Variants in CDH12 observed in about 807,000 individuals in gnomAD.
CDH12 encodes cadherin 12.
In CDH12, 41 loss-of-function variants were observed where a neutral mutation model predicts 74.1. That is an observed-to-expected ratio of 0.55 (90% confidence interval 0.43 to 0.72). CDH12 has a LOEUF of 0.72. CDH12 is among the 30% of genes least tolerant of loss of function. CDH12 has a pLI of 0.00. For missense variants in CDH12, 945 were observed against 977.2 expected, an observed-to-expected ratio of 0.97 and a Z score of 0.44; for synonymous variants, 399 against 355.0, an observed-to-expected ratio of 1.12 and a Z score of -1.39.
chr5:22,538,669 C>A (rs1165629375), intron 1 of CDH12, among the ~76,000 whole-genome samples: 1 of 152,112 alleles, frequency 6.6e-6, no homozygotes, highest in African/African-American at 2.4e-5. Flanking sequence ...TGGTGAAATA[C>A]CAGTATTTTT....
At chr5:22,751,509 TA>T (rs1411049806) in intron 1 of CDH12, among the ~76,000 whole-genome samples, 2 of 151,992 alleles carry the variant, frequency 1.3e-5, no homozygotes, top group Non-Finnish European at 2.9e-5. Flanking sequence ...AGATGTCACA[TA>T]AAATTGTTGT....
At chr5:22,639,777 A>G (rs1580841974) in intron 1 of CDH12, among the ~76,000 whole-genome samples, 1 of 152,250 alleles carries the variant, frequency 6.6e-6, no homozygotes, top group Non-Finnish European at 1.5e-5. Context: ...TGAGTGCCTC[A>G]GAGTAGAACA....
intron 7 of CDH12, among the ~76,000 whole-genome samples, chr5:21,845,947 TGC>T (rs1164151904): frequency 6.6e-6 from 1 of 152,100 alleles, no homozygotes; most frequent in Non-Finnish European, 1.5e-5. Flanking sequence ...GCTGGAAGCT[TGC>T]TCGGGGGAAT....
intron 4 of CDH12, among the ~76,000 whole-genome samples, chr5:22,171,415 A>G (rs1472360301): frequency 2.0e-5 from 3 of 151,950 alleles, no homozygotes; most frequent in Non-Finnish European, 4.4e-5. Flanking sequence ...AGTTATGAGG[A>G]AAATTACTTC....
chr5:22,037,125 T>G (rs1485584169), intron 5 of CDH12, among the ~76,000 whole-genome samples: 1 of 152,176 alleles, frequency 6.6e-6, no homozygotes, highest in African/African-American at 2.4e-5. Context: ...CCGTAAAGCT[T>G]GAAAAGCAAT....
At chr5:22,599,563 T>A (rs1045616905) in intron 1 of CDH12, among the ~76,000 whole-genome samples, 4 of 152,008 alleles carry the variant, frequency 2.6e-5, no homozygotes, top group Non-Finnish European at 5.9e-5. Context: ...GGTATTTTCA[T>A]TTTCACCAAC....
chr5:22,158,866 A>C (rs1234778069), intron 4 of CDH12, among the ~76,000 whole-genome samples: 1 of 152,132 alleles, frequency 6.6e-6, no homozygotes, highest in African/African-American at 2.4e-5. Flanking sequence ...CTAGTGCTAC[A>C]TACAAATAAT....
intron 6 of CDH12, among the ~76,000 whole-genome samples, chr5:21,892,281 G>A (rs557183008): frequency 1.7e-4 from 26 of 152,116 alleles, no homozygotes; most frequent in South Asian, 2.1e-4. Flanking sequence ...GTAGATGTTC[G>A]GCAAGGCTCA....
chr5:22,074,925 A>G (rs1742201998), intron 5 of CDH12, among the ~76,000 whole-genome samples: 1 of 152,052 alleles, frequency 6.6e-6, no homozygotes, highest in Non-Finnish European at 1.5e-5. Context: ...ATCTAGAACT[A>G]GAAATACCAT....
chr5:22,724,934 T>G (rs1280603829), intron 1 of CDH12, among the ~76,000 whole-genome samples: 2 of 151,854 alleles, frequency 1.3e-5, no homozygotes, highest in Non-Finnish European at 2.9e-5. Flanking sequence ...CAATAATATT[T>G]TCATCAGGAA....
intron 2 of CDH12, among the ~76,000 whole-genome samples, chr5:22,413,998 C>T (rs1236310989): frequency 6.6e-6 from 1 of 151,874 alleles, no homozygotes; most frequent in Non-Finnish European, 1.5e-5. Context: ...TTATTAATTA[C>T]ATTTAGTCCT....
At chr5:22,019,851 A>C (rs546013831) in intron 5 of CDH12, among the ~76,000 whole-genome samples, 2 of 152,292 alleles carry the variant, frequency 1.3e-5, no homozygotes, top group African/African-American at 4.8e-5. Flanking sequence ...GAATTTTCTA[A>C]ACTGGGAGTG....
intron 3 of CDH12, among the ~76,000 whole-genome samples, chr5:22,239,050 T>C (rs966069461): frequency 1.3e-5 from 2 of 152,196 alleles, no homozygotes; most frequent in African/African-American, 4.8e-5. Flanking sequence ...GTAATAAATA[T>C]GATGGTTTTG....
At chr5:21,996,596 A>T (rs990281954) in intron 5 of CDH12, among the ~76,000 whole-genome samples, 3 of 152,170 alleles carry the variant, frequency 2.0e-5, no homozygotes, top group African/African-American at 7.2e-5. Context: ...GGTTCTTTCC[A>T]TTACACCAAA....
intron 6 of CDH12, among the ~76,000 whole-genome samples, chr5:21,912,530 T>C (rs1169361747): frequency 6.6e-6 from 1 of 152,092 alleles, no homozygotes; most frequent in Non-Finnish European, 1.5e-5. Flanking sequence ...TGCCCAAGGG[T>C]GATCCAAAAC....
At chr5:22,075,810 G>A (rs1334819213) in intron 5 of CDH12, among the ~76,000 whole-genome samples, 2 of 151,970 alleles carry the variant, frequency 1.3e-5, no homozygotes, top group Non-Finnish European at 2.9e-5. Context: ...GTAGACAACT[G>A]ATACTTTTCC....
chr5:21,993,544 G>A (rs887786896), intron 5 of CDH12, among the ~76,000 whole-genome samples: 13 of 152,226 alleles, frequency 8.5e-5, no homozygotes, highest in Non-Finnish European at 1.2e-4. Context: ...ATGCAGAGAA[G>A]CAACCTGCAG....
chr5:21,975,031 A>G (rs1270769393), intron 6 of CDH12, 60 bp downstream of exon 6: 1 of 1,036,240 alleles, frequency 9.7e-7, no homozygotes, highest in Non-Finnish European at 1.4e-6. Flanking sequence ...ATCAACCTGC[A>G]AAAAGTCAAT....
At chr5:22,000,886 C>G (rs1471549638) in intron 5 of CDH12, among the ~76,000 whole-genome samples, 2 of 152,006 alleles carry the variant, frequency 1.3e-5, no homozygotes, top group Non-Finnish European at 2.9e-5. Flanking sequence ...AATCAATAGA[C>G]TTTTTACTTT....
Sources: gnomAD v4.1 joint callset for allele counts (sites outside exome capture counted in the v4.1 genomes callset) on GRCh38, gnomAD v4.1.1 for gene constraint, MANE v1.5 for transcripts, NCBI Gene and HGNC (gene_info 2026-07-23, HGNC 2026-07-21) for gene names.